Variants in ADGRB3 observed in about 807,000 individuals in gnomAD.
ADGRB3 encodes the protein adhesion G protein-coupled receptor B3.
A neutral mutation model predicts 193.4 loss-of-function variants in ADGRB3; 37 were observed. The ratio of observed to expected loss-of-function variants is 0.19; its 90% confidence interval spans 0.15 to 0.25. The LOEUF is 0.25. Ranked by LOEUF, ADGRB3 falls within the 10% of genes least tolerant of loss-of-function variation. ADGRB3 has a pLI of 1.00. For missense variants in ADGRB3, 1,637 were observed against 1,852.9 expected (o/e 0.88, Z 2.14); for synonymous variants, 690 against 644.2 (o/e 1.07, Z -1.08).
At chr6:69,059,396 C>A (rs1230330367) in intron 15 of ADGRB3, among the ~76,000 whole-genome samples, 1 of 152,186 alleles carries the variant, frequency 6.6e-6, no homozygotes, top group East Asian at 1.9e-4. Flanking sequence ...TATTTTTAAT[C>A]ACTTTTTATA....
intron 3 of ADGRB3, among the ~76,000 whole-genome samples, chr6:68,774,015 C>T (rs1766690245): frequency 6.6e-6 from 1 of 152,060 alleles, no homozygotes; most frequent in African/African-American, 2.4e-5. Context: ...AGGGCCTTGA[C>T]ATCTAAATTA....
At chr6:69,292,714 T>C (rs965943154) in intron 20 of ADGRB3, among the ~76,000 whole-genome samples, 2 of 139,276 alleles carry the variant, frequency 1.4e-5, no homozygotes, top group African/African-American at 5.6e-5. Context: ...AACCTCTTTC[T>C]TTTTTTTTTT....
intron 20 of ADGRB3, among the ~76,000 whole-genome samples, chr6:69,280,858 T>C (rs1332504286): frequency 6.6e-6 from 1 of 152,014 alleles, no homozygotes; most frequent in Non-Finnish European, 1.5e-5. Flanking sequence ...AAAAAATATA[T>C]ATATATATGT....
chr6:68,737,008 A>C (rs548037769), intron 3 of ADGRB3, among the ~76,000 whole-genome samples: 11 of 152,260 alleles, frequency 7.2e-5, no homozygotes, highest in Admixed American at 5.9e-4. Flanking sequence ...CCCATATAGT[A>C]GCAAATATTA....
At chr6:69,177,508 C>T (rs920052872) in intron 17 of ADGRB3, among the ~76,000 whole-genome samples, 1 of 152,116 alleles carries the variant, frequency 6.6e-6, no homozygotes, top group African/African-American at 2.4e-5. Context: ...AGGTGCCTGC[C>T]ACCATGCCTG....
At chr6:69,384,422 C>T (rs1770017865) in intron 31 of ADGRB3, among the ~76,000 whole-genome samples, 3 of 151,988 alleles carry the variant, frequency 2.0e-5, no homozygotes, top group African/African-American at 4.8e-5. Context: ...AAACACATTA[C>T]CTACTCATTT....
At chr6:68,835,222 G>A (rs142004725) in intron 3 of ADGRB3, among the ~76,000 whole-genome samples, 22 of 152,100 alleles carry the variant, frequency 1.4e-4, no homozygotes, top group Non-Finnish European at 2.8e-4. Flanking sequence ...GCTGCATTCT[G>A]GTGGGGAGGC....
chr6:68,978,716 C>G (rs898199732), intron 10 of ADGRB3, among the ~76,000 whole-genome samples: 2 of 151,440 alleles, frequency 1.3e-5, no homozygotes, highest in African/African-American at 4.8e-5. Context: ...TTGAGACTTC[C>G]TCAAATTCTT....
intron 3 of ADGRB3, among the ~76,000 whole-genome samples, chr6:68,676,664 T>C (rs942908864): frequency 6.6e-6 from 1 of 152,214 alleles, no homozygotes; most frequent in African/African-American, 2.4e-5. Context: ...CCAGCTAGAC[T>C]GTGTAATCCC....
chr6:69,115,829 G>A (rs1773516003), intron 17 of ADGRB3, among the ~76,000 whole-genome samples: 1 of 152,052 alleles, frequency 6.6e-6, no homozygotes, highest in African/African-American at 2.4e-5. Context: ...GAGCATGGCT[G>A]GCATATGAGT....
chr6:68,992,501 G>A (rs949114539), intron 10 of ADGRB3, among the ~76,000 whole-genome samples: 7 of 152,108 alleles, frequency 4.6e-5, no homozygotes, highest in Admixed American at 1.3e-4. Flanking sequence ...ACAGAGATAG[G>A]TAAAAGCCAG....
At chr6:68,947,102 T>C (rs1039830578) in intron 6 of ADGRB3, among the ~76,000 whole-genome samples, 5 of 152,086 alleles carry the variant, frequency 3.3e-5, no homozygotes, top group African/African-American at 1.2e-4. Flanking sequence ...AGGGGGCTGA[T>C]ACTAATGAAG....
intron 3 of ADGRB3, among the ~76,000 whole-genome samples, chr6:68,906,198 G>T (rs73747850): frequency 6.6e-6 from 1 of 151,378 alleles, no homozygotes; most frequent in Non-Finnish European, 1.5e-5. Flanking sequence ...ATTATTAGTA[G>T]TTGTTCCTTA....
chr6:68,973,963 A>C (rs1582362614), intron 8 of ADGRB3, among the ~76,000 whole-genome samples: 1 of 152,340 alleles, frequency 6.6e-6, no homozygotes, highest in African/African-American at 2.4e-5. Flanking sequence ...TTGCTCAATA[A>C]TTAAATTGAA....
intron 17 of ADGRB3, among the ~76,000 whole-genome samples, chr6:69,115,781 T>C (rs1404828645): frequency 6.6e-6 from 1 of 152,186 alleles, no homozygotes; most frequent in Non-Finnish European, 1.5e-5. Context: ...ATTTAAGCCA[T>C]GCTTATGGTC....
chr6:68,959,310 CCATAA>C (rs1768169071), intron 8 of ADGRB3, among the ~76,000 whole-genome samples: 1 of 152,090 alleles, frequency 6.6e-6, no homozygotes, highest in African/African-American at 2.4e-5. Flanking sequence ...TTTCAAATTA[CCATAA>C]CATTTTTCTA....
intron 17 of ADGRB3, among the ~76,000 whole-genome samples, chr6:69,189,458 C>A (rs1010185685): frequency 3.3e-5 from 5 of 152,182 alleles, no homozygotes; most frequent in Admixed American, 2.6e-4. Context: ...ATTGACCCGG[C>A]ATGAGAAGAT....
chr6:68,932,468 A>G (rs1048497428), intron 4 of ADGRB3, among the ~76,000 whole-genome samples: 2 of 152,142 alleles, frequency 1.3e-5, no homozygotes, highest in Non-Finnish European at 2.9e-5. Flanking sequence ...AAAATGATGA[A>G]TAATAAATAT....
intron 20 of ADGRB3, among the ~76,000 whole-genome samples, chr6:69,304,726 G>T (rs1012645664): frequency 2.6e-5 from 4 of 151,474 alleles, no homozygotes; most frequent in African/African-American, 9.7e-5. Flanking sequence ...TCTCTGACTT[G>T]TGTCTTCAGA....
Sources: gnomAD v4.1 joint callset for allele counts (sites outside exome capture counted in the v4.1 genomes callset) on GRCh38, gnomAD v4.1.1 for gene constraint, MANE v1.5 for transcripts, NCBI Gene and HGNC (gene_info 2026-07-23, HGNC 2026-07-21) for gene names.